Variants in KAT6A observed in about 807,000 individuals in gnomAD.
KAT6A encodes the protein lysine acetyltransferase 6A, also known as histone acetyltransferase KAT6A.
In KAT6A, 9 loss-of-function variants were observed where a neutral mutation model predicts 198.4. The ratio of observed to expected loss-of-function variants is 0.05; its 90% CI spans 0.03 to 0.08. KAT6A has a LOEUF of 0.08. Ranked by LOEUF, KAT6A falls within the 10% of genes least tolerant of loss-of-function variation. The pLI is 1.00. For missense variants in KAT6A, 2,077 were observed against 2,509.9 expected (o/e 0.83, Z 3.69); for synonymous variants, 890 against 883.0 (o/e 1.01, Z -0.14).
rs778266572 is a variant in KAT6A at position 41,932,504 on chromosome 8, T to C, written c.5716A>G (p.Thr1906Ala). 5 of 1,614,058 alleles carry C rather than the reference T, an allele frequency of 3.1e-6. No homozygotes were observed. Among genetic ancestry groups the C allele is most frequent in the East Asian group, 4.5e-5 (2 of 44,882 alleles). The part of the protein sequence containing the change: ...GMNMGVNLMP[T>A]PAYNVNSMNM... ...ATGGAATTGACATTATAGGCGGGAG[T>C]AGGCATCAGATTAACCCCCATGTTC... Residue 1906 changes from threonine to alanine, a missense_variant, in exon 17 of 17, where the codon ACT (threonine) becomes GCT (alanine). This residue lies in a region of KAT6A where 500 missense variants were observed against 577.2 expected (regional missense o/e 0.87). Transcript: ENST00000265713.
chr8:42,034,983 A>C (rs998209955), intron 2 of KAT6A, among the ~76,000 whole-genome samples: 37 of 152,232 alleles, frequency 2.4e-4, no homozygotes, highest in African/African-American at 8.9e-4. Context: ...TTGTGTTCTT[A>C]ATCATTTCTT....
At chr8:41,960,404 C>A (rs1406047006) in intron 8 of KAT6A, among the ~76,000 whole-genome samples, 2 of 147,394 alleles carry the variant, frequency 1.4e-5, no homozygotes, top group Non-Finnish European at 3.0e-5. Context: ...CCCGTCTCTA[C>A]TAAAAATACA....
chr8:42,027,881 A>G (rs887518725), intron 2 of KAT6A, among the ~76,000 whole-genome samples: 13 of 151,702 alleles, frequency 8.6e-5, no homozygotes, highest in South Asian at 2.1e-4. Context: ...AGTTTATGTG[A>G]TATCTTTCTA....
intron 8 of KAT6A, among the ~76,000 whole-genome samples, chr8:41,969,052 A>T (rs1263893993): frequency 6.6e-6 from 1 of 152,208 alleles, no homozygotes; most frequent in Admixed American, 6.5e-5. Flanking sequence ...GCTCTAAGAG[A>T]ACAGAAACTA....
At chr8:42,010,922 C>G (rs1196163347) in intron 2 of KAT6A, among the ~76,000 whole-genome samples, 2 of 152,154 alleles carry the variant, frequency 1.3e-5, no homozygotes, top group African/African-American at 4.8e-5. Context: ...CACCAGCAAC[C>G]ATGATCCCAA....
chr8:42,030,710 G>A (rs1827065062), intron 2 of KAT6A, among the ~76,000 whole-genome samples: 1 of 151,878 alleles, frequency 6.6e-6, no homozygotes, highest in South Asian at 2.1e-4. Context: ...GATTACAGAA[G>A]CCTGCCACCA....
Position 41,930,763 on chromosome 8 carries a change from C to A in KAT6A, c.*1442G>T, listed in dbSNP as rs553489796. On this transcript the variant is annotated 3_prime_UTR_variant, in exon 17 of 17. Coordinates refer to ENST00000265713, the MANE Select transcript of KAT6A (RefSeq NM_006766.5). ...TTTTTTTTTTTTTTTTTACCTATCC[C>A]TGGAGCAAGTAATAGGAAGAGAATG... 4.1e-4 allele frequency: 55 copies of A among 133,326 alleles called. No homozygotes were observed. Among genetic ancestry groups the A allele is most frequent in the Admixed American group, 1.1e-3 (10 of 9,420 alleles). The allele number at this position is 133,326 out of a possible 1,614,324, so 8.3% of individuals were successfully genotyped here.
At chr8:42,024,523 T>A (rs1263276830) in intron 2 of KAT6A, among the ~76,000 whole-genome samples, 1 of 152,208 alleles carries the variant, frequency 6.6e-6, no homozygotes, top group Non-Finnish European at 1.5e-5. Context: ...CACTAAGCAA[T>A]GAAATTAGAA....
At chr8:41,991,625 A>T (rs998818352) in intron 2 of KAT6A, among the ~76,000 whole-genome samples, 1 of 152,164 alleles carries the variant, frequency 6.6e-6, no homozygotes, top group Non-Finnish European at 1.5e-5. Flanking sequence ...GTTAAATTTA[A>T]ATTAATCAAA....
chr8:41,950,008 T>C (rs1822588360), intron 9 of KAT6A, among the ~76,000 whole-genome samples: 1 of 152,202 alleles, frequency 6.6e-6, no homozygotes, highest in Admixed American at 6.5e-5. Context: ...ATCTATGGTA[T>C]ACAATATTGT....
At position 41,941,101 on chromosome 8, in the gene KAT6A, G is replaced by A. The variant is rs1339387645; in HGVS notation, c.2780C>T (p.Pro927Leu). Residue 927 changes from proline (P) to leucine (L), a missense_variant, in exon 15 of 17, where the codon CCA becomes CTA. By Grantham distance (98) the Pro-to-Leu change is moderately conservative. Coordinates refer to ENST00000265713, the MANE Select transcript of KAT6A (RefSeq NM_006766.5). Reference sequence around the variant, plus strand: ...AAGGTCAGGTTTCCCGTCCTGGCTTGGCTGCTCCTCAGAAGCCACCAGCTG... The same window carrying A: ...AAGGTCAGGTTTCCCGTCCTGGCTTAGCTGCTCCTCAGAAGCCACCAGCTG... ...EEQLVASEEQ[P>L]SQDGKPDLPK... 6.2e-7 allele frequency: 1 copy of A among 1,614,170 alleles called. No homozygotes were observed. Among genetic ancestry groups the A allele is most frequent in the South Asian group, 1.1e-5 (1 of 91,074 alleles).
At chr8:41,965,197 A>T (rs1216818368) in intron 8 of KAT6A, among the ~76,000 whole-genome samples, 3 of 152,216 alleles carry the variant, frequency 2.0e-5, no homozygotes. Context: ...GAGGTGACAG[A>T]TTTGACCTTA....
intron 11 of KAT6A, 77 bp from the exon 12 acceptor site, chr8:41,946,761 C>A: frequency 2.3e-6 from 2 of 857,410 alleles, no homozygotes; most frequent in Middle Eastern, 2.2e-4. Context: ...GAAACAAAGA[C>A]TAATGGCCAA....
chr8:41,943,714 C>T (rs1273822431), intron 13 of KAT6A, 34 bp downstream of exon 13: 1 of 1,502,350 alleles, frequency 6.7e-7, no homozygotes, highest in South Asian at 1.1e-5. Flanking sequence ...ACCTAATTAT[C>T]TTTCAAAGGT....
intron 2 of KAT6A, 116 bp downstream of exon 2, chr8:42,048,262 T>A (rs1480369621): frequency 9.7e-7 from 1 of 1,034,148 alleles, no homozygotes; most frequent in African/African-American, 1.6e-5. Context: ...AAACCAGAGG[T>A]GATCACTCCA....
At chr8:41,986,770 G>A (rs1016438403) in intron 3 of KAT6A, among the ~76,000 whole-genome samples, 1 of 152,172 alleles carries the variant, frequency 6.6e-6, no homozygotes, top group Non-Finnish European at 1.5e-5. Context: ...GGGTGTGGTG[G>A]CTCACATCTG....
At chr8:42,028,985 A>G (rs1826977224) in intron 2 of KAT6A, among the ~76,000 whole-genome samples, 1 of 152,120 alleles carries the variant, frequency 6.6e-6, no homozygotes. Flanking sequence ...AGGGCCATCT[A>G]GTGTTGATAA....
chr8:41,934,112 C>T lies in KAT6A; in HGVS notation c.4108G>A (p.Glu1370Lys), dbSNP rs138944476. ...REKIKDKEETELDSEEEQPSH... is the reference protein window; with the variant it reads ...REKIKDKEETKLDSEEEQPSH... ...GGCTGCTCCTCTTCGGAATCCAGCT[C>T]GGTTTCCTCTTTATCCTTTATCTTT... The change falls in exon 17 of 17, where the codon GAG becomes AAG. Residue 1370 changes from glutamate (E) to lysine (K), a missense_variant. Around this residue, in one of 13 missense-constraint regions of KAT6A, gnomAD observed 178 missense variants for 220.8 expected, o/e 0.81. Transcript: ENST00000265713. 8.7e-6 allele frequency: 14 copies of T among 1,613,954 alleles called. No individual in the cohort carries two copies. The highest frequency in any genetic ancestry group is 1.6e-4 in the Middle Eastern group (1 of 6,084).
In KAT6A at chr8:41,937,192, G is replaced by C. The variant is rs143227770; in HGVS notation, c.3352+64C>G. On this transcript the variant is annotated intron_variant, in intron 16 of 16. Transcript: ENST00000265713. ...TTTCAGCCTTTTTACTGAAGGGTCT[G>C]TCACTGCTACTGCTATATATCTGAA... 28 of 1,291,996 alleles carry C rather than the reference G, an allele frequency of 2.2e-5. No individual in the cohort carries two copies. In the African/African-American group the frequency reaches 3.8e-4, roughly 18 times the overall value. 80.0% of individuals were successfully genotyped at this position (1,291,996 alleles called of 1,614,324 possible).
Sources: allele counts gnomAD v4.1 joint callset (sites outside exome capture counted in the v4.1 genomes callset), GRCh38; gene constraint gnomAD v4.1.1; regional missense constraint gnomAD v4.1.1; transcripts MANE v1.5; gene names NCBI Gene and HGNC (gene_info 2026-07-23, HGNC 2026-07-21).